The following LRBA variants were observed in gnomAD, a reference collection of about 807,000 sequenced individuals.
LRBA encodes lipopolysaccharide-responsive and beige-like anchor protein.
LRBA carries 176 observed loss-of-function variants against 330.0 expected under a neutral mutation model. The observed-to-expected ratio is 0.53, with a 90% CI of 0.47 to 0.60. LRBA has a LOEUF of 0.60. LRBA is among the 20% of genes least tolerant of loss of function. The probability of loss-of-function intolerance (pLI) is 0.00; values close to 1 mark genes in which losing one functional copy is unlikely to be tolerated. For synonymous variants in LRBA, 1,230 were observed against 1,193.0 expected (o/e 1.03, Z -0.64); for missense variants, 3,259 against 3,444.8 (o/e 0.95, Z 1.35).
intron 2 of LRBA, among the ~76,000 whole-genome samples, chr4:150,979,836 G>A (rs1209026324): frequency 6.6e-6 from 1 of 152,112 alleles, no homozygotes; most frequent in Non-Finnish European, 1.5e-5. Context: ...ATAATAAAGT[G>A]TCTCACAGTA....
intron 42 of LRBA, among the ~76,000 whole-genome samples, chr4:150,480,405 A>G (rs1757167132): frequency 6.6e-6 from 1 of 152,106 alleles, no homozygotes; most frequent in South Asian, 2.1e-4. Flanking sequence ...TTTTAATTAA[A>G]TATAGTTACA....
chr4:150,905,454 T>C (rs1731222807), intron 13 of LRBA, among the ~76,000 whole-genome samples: 1 of 151,702 alleles, frequency 6.6e-6, no homozygotes, highest in Non-Finnish European at 1.5e-5. Flanking sequence ...AAAGCTACAG[T>C]TACTAGGAAA....
chr4:150,608,637 A>T (rs896599582), intron 37 of LRBA, among the ~76,000 whole-genome samples: 1 of 152,224 alleles, frequency 6.6e-6, no homozygotes, highest in Admixed American at 6.5e-5. Context: ...CCCGTTTAAA[A>T]TGTACAATTC....
chr4:150,489,413 TATAAAATATATTACATATAAGAATATATA>T (rs1758499788), intron 41 of LRBA, among the ~76,000 whole-genome samples: 2 of 52,016 alleles, frequency 3.8e-5, no homozygotes, highest in Admixed American at 3.8e-4. Flanking sequence ...TATATAAGAA[TATAAAATATATTACATATAAGAATATATA>T]ATATATTATA....
intron 22 of LRBA, among the ~76,000 whole-genome samples, chr4:150,860,801 G>A (rs890314208): frequency 6.6e-6 from 1 of 151,726 alleles, no homozygotes; most frequent in African/African-American, 2.4e-5. Context: ...GGGCGACAGA[G>A]CGAGACTCCG....
intron 44 of LRBA, among the ~76,000 whole-genome samples, chr4:150,448,984 G>A (rs10027804): frequency 0.48 from 72,401 of 151,634 alleles, 17,376 homozygotes; most frequent in East Asian, 0.55. Context: ...GAGAGAATAC[G>A]ACTGAGGCAA....
intron 48 of LRBA, among the ~76,000 whole-genome samples, chr4:150,328,168 G>C (rs776777919): frequency 1.3e-5 from 2 of 152,142 alleles, no homozygotes; most frequent in African/African-American, 2.4e-5. Context: ...TCAGAGAATA[G>C]TAAAGCAATG....
At chr4:150,310,596 G>A (rs1001879201) in intron 51 of LRBA, 46 of 463,348 alleles carry the variant, frequency 9.9e-5, no homozygotes, top group African/African-American at 8.1e-4. Flanking sequence ...TTGCTTAGAG[G>A]AAAGAAAGAA....
At chr4:150,932,643 C>T (rs1035575104) in intron 2 of LRBA, among the ~76,000 whole-genome samples, 2 of 152,048 alleles carry the variant, frequency 1.3e-5, no homozygotes, top group Non-Finnish European at 2.9e-5. Context: ...GGGCTGGGTA[C>T]GTTGGCGCAC....
intron 36 of LRBA, among the ~76,000 whole-genome samples, chr4:150,703,033 C>A (rs375987140): frequency 1.5e-4 from 23 of 152,220 alleles, no homozygotes; most frequent in African/African-American, 5.3e-4. Flanking sequence ...TCATAGTGGA[C>A]GCCTGTGATC....
chr4:150,623,347 T>G (rs1218540017), intron 37 of LRBA, among the ~76,000 whole-genome samples: 1 of 152,158 alleles, frequency 6.6e-6, no homozygotes, highest in African/African-American at 2.4e-5. Flanking sequence ...TCTGACAAGA[T>G]TGCAGCACCT....
intron 40 of LRBA, among the ~76,000 whole-genome samples, chr4:150,536,039 C>T (rs1254463198): frequency 6.6e-6 from 1 of 152,042 alleles, no homozygotes; most frequent in African/African-American, 2.4e-5. Context: ...GTATCTTTTA[C>T]AATATAAATA....
chr4:150,960,104 A>C (rs2149563287), intron 2 of LRBA, among the ~76,000 whole-genome samples: 1 of 148,938 alleles, frequency 6.7e-6, no homozygotes, highest in Non-Finnish European at 1.5e-5. Flanking sequence ...TGGATAATTA[A>C]ATACATCTTT....
chr4:150,814,683 T>C (rs1456705876), intron 31 of LRBA, among the ~76,000 whole-genome samples: 2 of 151,112 alleles, frequency 1.3e-5, no homozygotes, highest in Non-Finnish European at 3.0e-5. Context: ...AAATTCTAGC[T>C]CAAGATGGAA....
intron 42 of LRBA, among the ~76,000 whole-genome samples, chr4:150,478,560 C>T (rs923538343): frequency 1.3e-5 from 2 of 152,168 alleles, no homozygotes; most frequent in Admixed American, 6.5e-5. Context: ...ACATTATCAA[C>T]ATCACATATC....
chr4:150,923,093 T>G (rs28613861), intron 4 of LRBA, among the ~76,000 whole-genome samples: 1 of 151,912 alleles, frequency 6.6e-6, no homozygotes, highest in Non-Finnish European at 1.5e-5. Context: ...ATCCAAAATA[T>G]TGTCAACTTA....
chr4:150,931,016 T>C (rs1253478855), intron 2 of LRBA, among the ~76,000 whole-genome samples: 1 of 152,254 alleles, frequency 6.6e-6, no homozygotes, highest in Non-Finnish European at 1.5e-5. Context: ...TGAATTAGAT[T>C]ATATTGTCTG....
intron 53 of LRBA, among the ~76,000 whole-genome samples, chr4:150,290,286 T>C (rs373512676): frequency 2.6e-5 from 4 of 152,148 alleles, no homozygotes; most frequent in East Asian, 1.9e-4. Flanking sequence ...TAATCTCTCA[T>C]TGAAGTCTCT....
intron 47 of LRBA, among the ~76,000 whole-genome samples, chr4:150,384,169 G>A (rs1742718485): frequency 6.6e-6 from 1 of 151,984 alleles, no homozygotes; most frequent in South Asian, 2.1e-4. Flanking sequence ...CTTCCGAGTA[G>A]CTGGGATTAC....
Sources: allele counts gnomAD v4.1 joint callset (sites outside exome capture counted in the v4.1 genomes callset), GRCh38; gene constraint gnomAD v4.1.1; transcripts MANE v1.5; gene names NCBI Gene and HGNC (gene_info 2026-07-23, HGNC 2026-07-21).